WHRN: variants seen among roughly 807,000 people sequenced by gnomAD.
The protein encoded by WHRN is CASK-interacting protein CIP98.
A neutral mutation model predicts 68.3 loss-of-function variants in WHRN; 41 were observed. The ratio of observed to expected loss-of-function variants is 0.60; its 90% CI spans 0.47 to 0.78. The LOEUF (loss-of-function observed/expected upper bound fraction) is 0.78, where lower values mean the gene tolerates loss of function less well. WHRN is among the 30% of genes least tolerant of loss of function. The pLI is 0.00. For missense variants in WHRN, 1,243 were observed against 1,244.7 expected (o/e 1.00, Z 0.02); for synonymous variants, 560 against 561.3 (o/e 1.00, Z 0.03).
chr9:114,404,134 T>C (rs1197763040), intron 9 of WHRN, 57 bp from the exon 10 acceptor site: 2 of 1,560,550 alleles, frequency 1.3e-6, no homozygotes, highest in Middle Eastern at 1.7e-4. Flanking sequence ...CAGGGAGGGC[T>C]GCCTGGAGGC....
intron 3 of WHRN, among the ~76,000 whole-genome samples, chr9:114,454,867 T>C (rs568039777): frequency 2.0e-5 from 3 of 152,272 alleles, no homozygotes; most frequent in Non-Finnish European, 4.4e-5. Context: ...GCTGGGTGCG[T>C]AGATCAGTGG....
intron 3 of WHRN, among the ~76,000 whole-genome samples, chr9:114,454,767 T>A (rs1839631504): frequency 6.6e-6 from 1 of 152,092 alleles, no homozygotes; most frequent in South Asian, 2.1e-4. Flanking sequence ...AAAACAATTC[T>A]GAAATAAGAA....
chr9:114,402,957 G>A (rs1447167347), intron 11 of WHRN, 21 bp from the exon 12 acceptor site: 2 of 1,599,800 alleles, frequency 1.3e-6, no homozygotes, highest in Non-Finnish European at 1.7e-6. Flanking sequence ...GAGACACAGG[G>A]CATGGGGTGC....
rs190405169 is a variant in WHRN, at chr9:114,481,962, T to G, written c.619-3191A>C. ...TTGCCTGGTACACAATAGGTTTTCA[T>G]GACACACGCCTGGTGAGAGACAAGG... On this transcript the variant is annotated intron_variant, in intron 1 of 11. Coordinates refer to ENST00000362057, the MANE Select transcript of WHRN (RefSeq NM_015404.4). Among the ~76,000 whole-genome samples the G allele has an allele frequency of 5.4e-4, 82 of 152,118 alleles. No homozygotes were observed. The East Asian group carries it at 0.013, about 23-fold the overall frequency.
intron 3 of WHRN, among the ~76,000 whole-genome samples, chr9:114,443,176 G>T (rs1042743678): frequency 6.6e-6 from 1 of 152,200 alleles, no homozygotes; most frequent in African/African-American, 2.4e-5. Context: ...GCCTCCCAAG[G>T]GGAAGAGCTA....
intron 1 of WHRN, among the ~76,000 whole-genome samples, chr9:114,482,683 TAA>T (rs1329761041): frequency 1.4e-5 from 2 of 146,000 alleles, no homozygotes; most frequent in Non-Finnish European, 1.5e-5. Flanking sequence ...CCAAGGAGTT[TAA>T]AAAAAAAAAG....
At position 114,504,360 on chromosome 9, in the gene WHRN, C is replaced by A. The variant is rs753668925; in HGVS notation, c.442G>T (p.Ala148Ser). 6.2e-7 allele frequency: 1 copy of A among 1,607,504 alleles called. No individual in the cohort carries two copies. The highest frequency in any genetic ancestry group is 1.1e-5 in the South Asian group (1 of 91,080). Residue 148 changes from alanine to serine, a missense_variant, in exon 1 of 12, where the codon GCC becomes TCC. Ala to Ser is a moderately conservative substitution (Grantham distance 99). Transcript: ENST00000362057. ...ATGCTGAAGCCCAAGCCCTCGTGGG[C>A]CTTGGCACGCCGCAAACTCACCAGG... is the stretch of plus-strand genomic sequence containing the variant. ...VRLVSLRRAK[A>S]HEGLGFSIRG...
rs141332193 is a variant in WHRN at position 114,482,471 on chromosome 9, C to T, written c.619-3700G>A. Among the ~76,000 whole-genome samples the T allele has an allele frequency of 1.3e-3, 205 of 152,266 alleles. 1 individual carries two copies. In the East Asian group the frequency reaches 0.03, roughly 22 times the overall value. On this transcript the variant is annotated intron_variant, in intron 1 of 11. Coordinates refer to ENST00000362057, the MANE Select transcript of WHRN (RefSeq NM_015404.4). ...TGGACAGTCCTTGGGCCGGTTGCTTCCCCTTGCAAAGCAGCATGTGTGAAC... is the reference window on the plus strand; with the variant it reads ...TGGACAGTCCTTGGGCCGGTTGCTTTCCCTTGCAAAGCAGCATGTGTGAAC...
intron 3 of WHRN, among the ~76,000 whole-genome samples, chr9:114,433,053 A>G (rs1837551942): frequency 1.3e-5 from 2 of 152,184 alleles, no homozygotes; most frequent in South Asian, 4.1e-4. Flanking sequence ...GACGGGAAGT[A>G]GAGTCATTAA....
chr9:114,479,787 G>T (rs1471311640), intron 1 of WHRN, among the ~76,000 whole-genome samples: 1 of 152,194 alleles, frequency 6.6e-6, no homozygotes, highest in Non-Finnish European at 1.5e-5. Flanking sequence ...TCTCAGCCGG[G>T]CGTGGTGGCT....
intron 3 of WHRN, among the ~76,000 whole-genome samples, 167 bp downstream of exon 3, chr9:114,466,100 C>T (rs1405443466): frequency 6.6e-6 from 1 of 152,236 alleles, no homozygotes; most frequent in Non-Finnish European, 1.5e-5. Context: ...GCGGCCACCC[C>T]GCTGCTGCTG....
Position 114,504,721 on chromosome 9 carries a change from G to T in WHRN, c.81C>A (p.Gly27=). ...SLGSAAGAGG[G]GGAGLRLLSA... Reference sequence around the variant, plus strand: ...ACAGTAACCGCAGCCCCGCGCCCCCGCCGCCGCCCGCCCCGGCCGCCGAGC... The same window carrying T: ...ACAGTAACCGCAGCCCCGCGCCCCCTCCGCCGCCCGCCCCGGCCGCCGAGC... Residue 27 remains glycine (G), a synonymous_variant, in exon 1 of 12, where the codon GGC becomes GGA. Coordinates refer to ENST00000362057, the MANE Select transcript of WHRN (RefSeq NM_015404.4). 1.3e-6 allele frequency: 2 copies of T among 1,505,886 alleles called. No individual in the cohort carries two copies. The highest frequency in any genetic ancestry group is 1.8e-6 in the Non-Finnish European group (2 of 1,135,560). The allele number at this position is 1,505,886 out of a possible 1,614,324, so 93.3% of individuals were successfully genotyped here. A position where few individuals can be genotyped will look rare whatever the true frequency, so the allele number is the denominator to read the frequency against.
rs1564139980 is a variant in WHRN at position 114,426,337 on chromosome 9, T to A, written c.1040A>T (p.Lys347Met). 16 of 1,614,046 alleles carry A rather than the reference T, an allele frequency of 9.9e-6. No individual in the cohort carries two copies. Among genetic ancestry groups the A allele is most frequent in the Non-Finnish European group, 1.4e-5 (16 of 1,180,042 alleles). The stretch of plus-strand genomic sequence containing the variant: ...TGTCAGGATGAGGTGCCGAGATGAC[T>A]TAAGCAGCCTGACAGCCTCGTCGTG... ...ILHDEAVRLL[K>M]SSRHLILTVK... Residue 347 changes from lysine (K) to methionine (M), a missense_variant, in exon 4 of 12, where the codon AAG becomes ATG. Transcript: ENST00000362057.
intron 3 of WHRN, among the ~76,000 whole-genome samples, chr9:114,429,438 G>A (rs563961340): frequency 6.6e-5 from 10 of 152,274 alleles, no homozygotes; most frequent in African/African-American, 2.4e-4. Context: ...CCTCACTTTC[G>A]TTGGGAGTAA....
Position 114,426,168 on chromosome 9 carries a change from T to A in WHRN, c.1166+43A>T, listed in dbSNP as rs115632847. 9,652 of 1,610,866 alleles carry A rather than the reference T, an allele frequency of 6.0e-3. 552 individuals carry two copies. The African/African-American group carries it at 0.11, about 19-fold the overall frequency. On this transcript the variant is annotated intron_variant, in intron 4 of 11. Coordinates refer to ENST00000362057, the MANE Select transcript of WHRN (RefSeq NM_015404.4). Reference sequence around the variant, plus strand: ...GGCAGCTATCACTGGCTTTCAGAAATGGCCCTGGGGTCTGGAGATTGGAGC... The same window carrying A: ...GGCAGCTATCACTGGCTTTCAGAAAAGGCCCTGGGGTCTGGAGATTGGAGC...
chr9:114,493,445 C>G (rs988551522), intron 1 of WHRN, among the ~76,000 whole-genome samples: 1 of 151,744 alleles, frequency 6.6e-6, no homozygotes, highest in Non-Finnish European at 1.5e-5. Flanking sequence ...CCATTTGTTT[C>G]CTATGACCAA....
At chr9:114,434,426 A>T (rs1470767516) in intron 3 of WHRN, among the ~76,000 whole-genome samples, 1 of 151,840 alleles carries the variant, frequency 6.6e-6, no homozygotes, top group African/African-American at 2.4e-5. Flanking sequence ...TTAAAAATTC[A>T]CTCCCCCAGT....
At chr9:114,486,992 T>C (rs1219210228) in intron 1 of WHRN, among the ~76,000 whole-genome samples, 1 of 9,612 alleles carries the variant, frequency 1.0e-4, no homozygotes, top group African/African-American at 1.9e-4. Context: ...TATATATATA[T>C]ATATATATAT....
At position 114,464,739 on chromosome 9, in the gene WHRN, A is replaced by G. The variant is rs528527541; in HGVS notation, c.963+1528T>C. Among the ~76,000 whole-genome samples, 19 of 152,320 alleles carry G rather than the reference A, an allele frequency of 1.2e-4. No individual in the cohort carries two copies. In the South Asian group the frequency reaches 2.9e-3, roughly 23 times the overall value. ...ATATAGTAAAGGGAAGCAAGGTTAAACAAGTTAATGATGTAAAACACTTGG... is the reference window on the plus strand; with the variant it reads ...ATATAGTAAAGGGAAGCAAGGTTAAGCAAGTTAATGATGTAAAACACTTGG... On this transcript the variant is annotated intron_variant, in intron 3 of 11. Coordinates refer to ENST00000362057, the MANE Select transcript of WHRN (RefSeq NM_015404.4).
Sources: allele counts gnomAD v4.1 joint callset (sites outside exome capture counted in the v4.1 genomes callset), GRCh38; gene constraint gnomAD v4.1.1; transcripts MANE v1.5; gene names NCBI Gene and HGNC (gene_info 2026-07-23, HGNC 2026-07-21).